The following CAB39L variants were observed in gnomAD, a reference collection of about 807,000 sequenced individuals.
CAB39L encodes the protein calcium binding protein 39 like, also known as calcium-binding protein 39-like.
CAB39L carries 23 observed loss-of-function variants against 39.1 expected under a neutral mutation model. The observed-to-expected ratio is 0.59, with a 90% confidence interval of 0.42 to 0.83. CAB39L has a LOEUF of 0.83. Ranked by LOEUF, CAB39L falls within the 40% of genes least tolerant of loss-of-function variation. The probability of loss-of-function intolerance (pLI) is 0.00; values close to 1 mark genes in which losing one functional copy is unlikely to be tolerated. For missense variants in CAB39L, 366 were observed against 391.9 expected (o/e 0.93, Z 0.56); for synonymous variants, 126 against 137.2 (o/e 0.92, Z 0.57).
At chr13:49,367,359 CA>C (rs1473409520) in intron 5 of CAB39L, among the ~76,000 whole-genome samples, 3 of 152,036 alleles carry the variant, frequency 2.0e-5, no homozygotes, top group African/African-American at 7.2e-5. Flanking sequence ...TAAAAAATAG[CA>C]ACAACATCAA....
chr13:49,311,855 A>G (rs1169543877), intron 10 of CAB39L, among the ~76,000 whole-genome samples: 1 of 152,222 alleles, frequency 6.6e-6, no homozygotes, highest in African/African-American at 2.4e-5. Context: ...ACTTTTTATA[A>G]AAGTAAAAAG....
chr13:49,367,069 C>T (rs1464653825), intron 5 of CAB39L, among the ~76,000 whole-genome samples: 1 of 151,804 alleles, frequency 6.6e-6, no homozygotes, highest in Admixed American at 6.6e-5. Flanking sequence ...GCCTATAATC[C>T]CAGGCAAGAA....
At chr13:49,312,239 T>A (rs758922062) in intron 10 of CAB39L, among the ~76,000 whole-genome samples, 36 of 152,110 alleles carry the variant, frequency 2.4e-4, no homozygotes, top group Non-Finnish European at 3.7e-4. Flanking sequence ...ATTTTTTAAA[T>A]CAATTTAGTG....
chr13:49,383,256 G>C (rs1956285876), intron 3 of CAB39L, among the ~76,000 whole-genome samples: 1 of 151,888 alleles, frequency 6.6e-6, no homozygotes, highest in Non-Finnish European at 1.5e-5. Context: ...ACCAAAGAAA[G>C]TGATAATAAT....
At chr13:49,339,069 A>G (rs910149403) in intron 9 of CAB39L, among the ~76,000 whole-genome samples, 3 of 151,780 alleles carry the variant, frequency 2.0e-5, no homozygotes, top group African/African-American at 7.3e-5. Context: ...TTAAGAATTT[A>G]TCAATTGCTG....
In CAB39L at chr13:49,348,354, G is replaced by A. The variant is rs180698314; in HGVS notation, c.564+2390C>T. Among the ~76,000 whole-genome samples, 342 of 152,296 alleles carry A rather than the reference G, an allele frequency of 2.2e-3. 3 individuals carry two copies. Among genetic ancestry groups the A allele is most frequent in the African/African-American group, 7.6e-3 (314 of 41,566 alleles). On this transcript the variant is annotated intron_variant, in intron 7 of 10. Coordinates refer to ENST00000409308, the MANE Select transcript of CAB39L (RefSeq NM_001079670.3). ...GGGCCAAGGCAGGCGGATGGCTTGA[G>A]GTCAGGAGTTCGAGACCAGCCTGGC...
At chr13:49,425,959 G>T (rs1204011714) in intron 3 of CAB39L, among the ~76,000 whole-genome samples, 3 of 152,098 alleles carry the variant, frequency 2.0e-5, no homozygotes, top group African/African-American at 7.2e-5. Context: ...AAGTTTGGGG[G>T]TCCAAAGGCA....
intron 3 of CAB39L, among the ~76,000 whole-genome samples, chr13:49,419,364 T>TA (rs1468208802): frequency 2.0e-5 from 3 of 152,254 alleles, no homozygotes; most frequent in South Asian, 2.1e-4. Context: ...TCTATTCCAC[T>TA]AAAAAATATG....
intron 3 of CAB39L, among the ~76,000 whole-genome samples, chr13:49,410,190 A>T (rs535178252): frequency 1.3e-5 from 2 of 152,306 alleles, no homozygotes; most frequent in East Asian, 3.9e-4. Context: ...TAGTGCCATA[A>T]CCACAGGCAG....
intron 1 of CAB39L, among the ~76,000 whole-genome samples, chr13:49,442,017 C>T (rs969081534): frequency 6.6e-6 from 1 of 152,174 alleles, no homozygotes; most frequent in African/African-American, 2.4e-5. Context: ...CCTTGTTTTG[C>T]ATCCTTGCCA....
At chr13:49,437,767 T>C (rs1957440570) in intron 1 of CAB39L, among the ~76,000 whole-genome samples, 1 of 152,218 alleles carries the variant, frequency 6.6e-6, no homozygotes, top group African/African-American at 2.4e-5. Context: ...TTCAGCCAAC[T>C]CAGTTATCAA....
At chr13:49,319,856 A>G (rs916724426) in intron 10 of CAB39L, among the ~76,000 whole-genome samples, 8 of 151,874 alleles carry the variant, frequency 5.3e-5, no homozygotes, top group African/African-American at 1.9e-4. Flanking sequence ...AAGATTAACT[A>G]TAATAGACAA....
rs1363841740 is a variant in CAB39L, at chr13:49,329,556, T to C, written c.834+2391A>G. ...AATTAAAAAAAAAAATATATATATATATATATATATATATATATATATATA... is the reference window on the plus strand; with the variant it reads ...AATTAAAAAAAAAAATATATATATACATATATATATATATATATATATATA... On this transcript the variant is annotated intron_variant, in intron 10 of 10. Coordinates refer to ENST00000409308, the MANE Select transcript of CAB39L (RefSeq NM_001079670.3). 2.8e-3 allele frequency among the ~76,000 whole-genome samples: 30 copies of C among 10,830 alleles called. 1 individual carries two copies. The highest frequency in any genetic ancestry group is 0.027 in the African/African-American group (29 of 1,060). The allele number at this position is 10,830 out of a possible 152,430, so 7.1% of individuals were successfully genotyped here. A position where few individuals can be genotyped will look rare whatever the true frequency, so the allele number is the denominator to read the frequency against.
At chr13:49,330,660 T>C (rs897013442) in intron 10 of CAB39L, among the ~76,000 whole-genome samples, 1 of 150,478 alleles carries the variant, frequency 6.6e-6, no homozygotes, top group Non-Finnish European at 1.5e-5. Flanking sequence ...ATTTTTTATT[T>C]AGAAAAATAT....
rs1954362662 is a variant in CAB39L, at chr13:49,322,064, T to A, written c.834+9883A>T. Among the ~76,000 whole-genome samples, 3 of 152,332 alleles carry A rather than the reference T, an allele frequency of 2.0e-5. 1 individual carries two copies. The South Asian group carries it at 6.2e-4, about 32-fold the overall frequency. On this transcript the variant is annotated intron_variant, in intron 10 of 10. Coordinates refer to ENST00000409308, the MANE Select transcript of CAB39L (RefSeq NM_001079670.3). ...GTTTTACAGTATATTCACATAGTTG[T>A]GCAATCATCACCAGAATCAATTTTA...
chr13:49,357,107 C>T (rs187581681), intron 6 of CAB39L, among the ~76,000 whole-genome samples: 21 of 151,880 alleles, frequency 1.4e-4, no homozygotes, highest in African/African-American at 4.6e-4. Context: ...AACTGTTCCA[C>T]TACCCTGTCC....
Position 49,444,047 on chromosome 13 carries a change from T to C in CAB39L, c.-307A>G, listed in dbSNP as rs1482094331. ...GGCCTCTCGACTACGAGTAACTCCA[T>C]TGGCTCAGCTACAGTGCGCGAGACA... On this transcript the variant is annotated 5_prime_UTR_variant, in exon 1 of 11. The change abolishes an upstream ATG in the 5' untranslated region. Transcript: ENST00000409308. The C allele has an allele frequency of 4.4e-6, 2 of 455,516 alleles. No homozygotes were observed. The highest frequency in any genetic ancestry group is 8.8e-6 in the Non-Finnish European group (2 of 226,442). 28.2% of individuals were successfully genotyped at this position (455,516 alleles called of 1,614,324 possible).
intron 3 of CAB39L, among the ~76,000 whole-genome samples, chr13:49,410,912 G>A (rs1463410482): frequency 6.6e-6 from 1 of 151,964 alleles, no homozygotes; most frequent in African/African-American, 2.4e-5. Flanking sequence ...TAGGAGAAAT[G>A]ATTATAATCC....
chr13:49,393,695 A>C (rs560666011), intron 3 of CAB39L, among the ~76,000 whole-genome samples: 130 of 152,102 alleles, frequency 8.5e-4, no homozygotes, highest in East Asian at 7.7e-4. Flanking sequence ...GTTAAAAAAA[A>C]CACTCTATTT....
Sources: allele counts gnomAD v4.1 joint callset (sites outside exome capture counted in the v4.1 genomes callset), GRCh38; gene constraint gnomAD v4.1.1; transcripts MANE v1.5; gene names NCBI Gene and HGNC (gene_info 2026-07-23, HGNC 2026-07-21).